MET: variants seen among roughly 807,000 people sequenced by gnomAD.
The protein encoded by MET is hepatocyte growth factor receptor.
In MET, 48 loss-of-function variants were observed where a neutral mutation model predicts 133.1. The ratio of observed to expected loss-of-function variants is 0.36; its 90% CI spans 0.29 to 0.46. The LOEUF is 0.46. Among genes scored for constraint, MET ranks in the 20% least tolerant of loss-of-function variants. MET has a pLI of 1.00. For missense variants in MET, 1,442 were observed against 1,695.9 expected, an observed-to-expected ratio of 0.85 and a Z score of 2.63; for synonymous variants, 628 against 616.5, an observed-to-expected ratio of 1.02 and a Z score of -0.28.
chr7:116,740,312 A>G (rs1793395265), intron 4 of MET, among the ~76,000 whole-genome samples: 3 of 152,206 alleles, frequency 2.0e-5, no homozygotes, highest in Admixed American at 1.3e-4. Context: ...CTTTTGTCCT[A>G]TATTTCTCAA....
chr7:116,781,961 T>C (rs954407259), intron 17 of MET, 27 bp from the exon 18 acceptor site: 1 of 1,412,914 alleles, frequency 7.1e-7, no homozygotes, highest in Non-Finnish European at 1.0e-6. Context: ...GCTTAGTTTA[T>C]GCTTTTCTAA....
At chr7:116,779,666 G>A (rs941267546) in intron 17 of MET, among the ~76,000 whole-genome samples, 6 of 151,852 alleles carry the variant, frequency 4.0e-5, no homozygotes, top group Non-Finnish European at 8.8e-5. Flanking sequence ...AGGCTAGTTC[G>A]AACTGAAATG....
chr7:116,797,230 A>G lies in MET; in HGVS notation c.*1106A>G, dbSNP rs1298590534. On this transcript the variant is annotated 3_prime_UTR_variant, in exon 21 of 21. Transcript: ENST00000397752. ...AATTTGTTGATAAATATTTTTAAAGATAACTCAGCATGTTTGTAAAGCAGG... is the reference window on the plus strand; with the variant it reads ...AATTTGTTGATAAATATTTTTAAAGGTAACTCAGCATGTTTGTAAAGCAGG... The G allele has an allele frequency of 9.4e-6, 2 of 212,050 alleles. No individual in the cohort carries two copies. Among genetic ancestry groups the G allele is most frequent in the Non-Finnish European group, 1.9e-5 (2 of 104,858 alleles). The allele number at this position is 212,050 out of a possible 1,614,324, so 13.1% of individuals were successfully genotyped here.
intron 2 of MET, among the ~76,000 whole-genome samples, chr7:116,704,910 T>C (rs968813177): frequency 6.6e-6 from 1 of 152,104 alleles, no homozygotes; most frequent in Admixed American, 6.6e-5. Context: ...TCCTTGTTTT[T>C]AAATATCATT....
chr7:116,702,124 A>G (rs922551308), intron 2 of MET, among the ~76,000 whole-genome samples: 12 of 152,152 alleles, frequency 7.9e-5, no homozygotes, highest in African/African-American at 2.9e-4. Flanking sequence ...AGACAGGATT[A>G]GCCAATGAAA....
intron 10 of MET, among the ~76,000 whole-genome samples, chr7:116,760,275 C>A (rs1017389964): frequency 1.3e-5 from 2 of 152,112 alleles, no homozygotes; most frequent in African/African-American, 4.8e-5. Flanking sequence ...TCTTATCATT[C>A]TTCTTGTCCC....
intron 8 of MET, 62 bp downstream of exon 8, chr7:116,757,836 T>C: frequency 6.4e-7 from 1 of 1,552,182 alleles, no homozygotes; most frequent in Non-Finnish European, 8.9e-7. Flanking sequence ...ACCTTAAAAA[T>C]TAAGCAGATT....
Position 116,771,492 on chromosome 7 carries a change from T to C in MET, c.2731-6T>C, listed in dbSNP as rs1279722189. On this transcript the variant is annotated splice_polypyrimidine_tract_variant and splice_region_variant and intron_variant, in intron 12 of 20. Transcript: ENST00000397752. ...ATGCTGACTTTTCTTTATTTGTCAT[T>C]TTTAGTGGAAGCAAGCAATTTCTTC... The C allele has an allele frequency of 3.1e-6, 5 of 1,613,632 alleles. No individual in the cohort carries two copies. In the East Asian group the frequency reaches 1.1e-4, roughly 36 times the overall value.
chr7:116,757,569 A>T (rs778002788), intron 7 of MET, 30 bp downstream of exon 7: 1 of 1,612,814 alleles, frequency 6.2e-7, no homozygotes, highest in Non-Finnish European at 8.5e-7. Flanking sequence ...ATCATGTTTG[A>T]TTTTTACTTA....
intron 2 of MET, among the ~76,000 whole-genome samples, chr7:116,724,460 G>A (rs1053085626): frequency 1.3e-5 from 2 of 152,180 alleles, no homozygotes; most frequent in African/African-American, 4.8e-5. Context: ...CTGTAGACCG[G>A]AGCTGTTCCT....
chr7:116,727,826 C>T (rs992776395), intron 2 of MET, among the ~76,000 whole-genome samples: 1 of 152,184 alleles, frequency 6.6e-6, no homozygotes, highest in African/African-American at 2.4e-5. Flanking sequence ...GAGCAGCAAA[C>T]ATATTTGCTG....
chr7:116,680,951 G>C (rs138237329), intron 1 of MET, among the ~76,000 whole-genome samples: 61 of 152,060 alleles, frequency 4.0e-4, no homozygotes, highest in African/African-American at 1.3e-3. Context: ...CAGAAAAAGT[G>C]GGGGAGGGAG....
chr7:116,687,807 G>A (rs565517972), intron 1 of MET, among the ~76,000 whole-genome samples: 1 of 152,260 alleles, frequency 6.6e-6, no homozygotes, highest in East Asian at 1.9e-4. Context: ...TCATTCAAAC[G>A]CTCTGCATTT....
At chr7:116,726,157 A>ACACACAC (rs1792763269) in intron 2 of MET, among the ~76,000 whole-genome samples, 2 of 117,254 alleles carry the variant, frequency 1.7e-5, no homozygotes, top group Non-Finnish European at 3.7e-5. Flanking sequence ...ATATATATAT[A>ACACACAC]TATATATATA....
At chr7:116,766,076 G>A (rs1004653463) in intron 11 of MET, among the ~76,000 whole-genome samples, 1 of 152,218 alleles carries the variant, frequency 6.6e-6, no homozygotes, top group South Asian at 2.1e-4. Flanking sequence ...AGAGGGAATA[G>A]CTCTTAACTT....
chr7:116,706,060 A>G (rs551777558), intron 2 of MET, among the ~76,000 whole-genome samples: 5 of 152,208 alleles, frequency 3.3e-5, no homozygotes, highest in African/African-American at 1.2e-4. Flanking sequence ...GAAAGATGAA[A>G]AAGCAAAGGC....
At chr7:116,787,009 A>G (rs1039410000) in intron 19 of MET, among the ~76,000 whole-genome samples, 2 of 152,212 alleles carry the variant, frequency 1.3e-5, no homozygotes, top group Non-Finnish European at 2.9e-5. Context: ...TAGGGGAACT[A>G]TTAGAGAATA....
chr7:116,751,673 CATACTT>C (rs1440668430), intron 5 of MET, among the ~76,000 whole-genome samples: 2 of 152,140 alleles, frequency 1.3e-5, no homozygotes, highest in African/African-American at 4.8e-5. Context: ...TATCTGATCT[CATACTT>C]AAAGAGCAAT....
intron 1 of MET, among the ~76,000 whole-genome samples, chr7:116,691,254 A>G (rs1228479669): frequency 6.6e-6 from 1 of 152,220 alleles, no homozygotes; most frequent in African/African-American, 2.4e-5. Context: ...AGAAGATTTT[A>G]GAATTATATA....
Sources: allele counts gnomAD v4.1 joint callset (sites outside exome capture counted in the v4.1 genomes callset), GRCh38; gene constraint gnomAD v4.1.1; transcripts MANE v1.5; gene names NCBI Gene and HGNC (gene_info 2026-07-23, HGNC 2026-07-21).